ZCCHC7: variants seen among roughly 807,000 people sequenced by gnomAD.
The protein encoded by ZCCHC7 is zinc finger CCHC domain-containing protein 7.
Under a neutral mutation model 52.0 loss-of-function variants are expected in ZCCHC7, and 35 were observed. That is an observed-to-expected ratio of 0.67 (90% confidence interval 0.51 to 0.89). The LOEUF is 0.89. ZCCHC7 is among the 40% of genes least tolerant of loss of function. ZCCHC7 has a pLI of 0.00. For synonymous variants in ZCCHC7, 217 were observed against 221.5 expected (o/e 0.98, Z 0.18); for missense variants, 574 against 649.1 (o/e 0.88, Z 1.26).
Position 37,222,265 on chromosome 9 carries a change from A to G in ZCCHC7, c.611-79923A>G, listed in dbSNP as rs74332126. Among the ~76,000 whole-genome samples, 613 of 151,560 alleles carry G rather than the reference A, an allele frequency of 4.0e-3. 5 individuals carry two copies. The highest frequency in any genetic ancestry group is 0.014 in the African/African-American group (572 of 41,344). On this transcript the variant is annotated intron_variant, in intron 2 of 8. Coordinates refer to ENST00000336755, the MANE Select transcript of ZCCHC7 (RefSeq NM_032226.3). Reference sequence around the variant, plus strand: ...GTCCTGCCAGATATTAAATTTGATGATAAGCTTATAACAGTTAAGATAACA... The same window carrying G: ...GTCCTGCCAGATATTAAATTTGATGGTAAGCTTATAACAGTTAAGATAACA...
chr9:37,322,185 A>T (rs1830080728), intron 5 of ZCCHC7: 1 of 152,116 alleles, frequency 6.6e-6, no homozygotes, highest in African/African-American at 2.4e-5. Flanking sequence ...CTACCAAACC[A>T]GTTAGATGGT....
At chr9:37,153,256 C>T (rs1003581573) in intron 2 of ZCCHC7, among the ~76,000 whole-genome samples, 2 of 151,242 alleles carry the variant, frequency 1.3e-5, no homozygotes, top group African/African-American at 2.4e-5. Flanking sequence ...CTGCAACCTC[C>T]GCCTCCCAGG....
intron 2 of ZCCHC7, among the ~76,000 whole-genome samples, chr9:37,295,260 T>TG (rs1828732808): frequency 6.6e-6 from 1 of 151,960 alleles, no homozygotes; most frequent in Non-Finnish European, 1.5e-5. Flanking sequence ...AACAGGAAAC[T>TG]GGGGAAATTA....
intron 2 of ZCCHC7, among the ~76,000 whole-genome samples, chr9:37,148,785 T>G (rs921287528): frequency 1.3e-5 from 2 of 152,172 alleles, no homozygotes; most frequent in African/African-American, 2.4e-5. Flanking sequence ...CATGTTACTT[T>G]GCACTGTCTA....
intron 2 of ZCCHC7, among the ~76,000 whole-genome samples, chr9:37,280,999 G>A (rs1037714484): frequency 6.6e-6 from 1 of 152,094 alleles, no homozygotes; most frequent in Non-Finnish European, 1.5e-5. Flanking sequence ...GGGATAGGCA[G>A]GTAAATAGAG....
At chr9:37,131,050 T>TA (rs777040544) in intron 2 of ZCCHC7, among the ~76,000 whole-genome samples, 3 of 151,828 alleles carry the variant, frequency 2.0e-5, no homozygotes, top group Admixed American at 6.6e-5. Context: ...ATTATTATAT[T>TA]AAAAAAATGG....
chr9:37,178,558 A>G (rs769239875), intron 2 of ZCCHC7, among the ~76,000 whole-genome samples: 4 of 152,186 alleles, frequency 2.6e-5, no homozygotes, highest in Non-Finnish European at 5.9e-5. Context: ...CTATATTTCA[A>G]AGGTTATTGT....
intron 2 of ZCCHC7, among the ~76,000 whole-genome samples, chr9:37,266,991 A>G (rs1374740832): frequency 1.3e-5 from 2 of 152,232 alleles, no homozygotes; most frequent in East Asian, 3.8e-4. Context: ...TTCTGTATAA[A>G]TGGTCAAAAA....
At chr9:37,133,139 G>T (rs981804746) in intron 2 of ZCCHC7, among the ~76,000 whole-genome samples, 15 of 151,996 alleles carry the variant, frequency 9.9e-5, no homozygotes, top group African/African-American at 3.6e-4. Flanking sequence ...CTCTGTCTCA[G>T]AAAAAAATTA....
intron 2 of ZCCHC7, among the ~76,000 whole-genome samples, chr9:37,188,045 TTC>T (rs1326194119): frequency 6.6e-6 from 1 of 152,212 alleles, no homozygotes; most frequent in Non-Finnish European, 1.5e-5. Flanking sequence ...CAAATGCTTT[TTC>T]TTTCTCCACT....
chr9:37,197,728 G>A (rs1297440483), intron 2 of ZCCHC7, among the ~76,000 whole-genome samples: 4 of 151,950 alleles, frequency 2.6e-5, no homozygotes, highest in Non-Finnish European at 4.4e-5. Context: ...AACAGCAATT[G>A]CACTATTCTG....
chr9:37,134,698 CTTGTTTTTTGTTGG>C (rs946952538), intron 2 of ZCCHC7, among the ~76,000 whole-genome samples: 2 of 151,890 alleles, frequency 1.3e-5, no homozygotes, highest in East Asian at 1.9e-4. Context: ...CACTCTTGCC[CTTGTTTTTTGTTGG>C]TTGTTTTTTG....
intron 5 of ZCCHC7, among the ~76,000 whole-genome samples, chr9:37,319,113 T>A (rs1401365489): frequency 6.6e-6 from 1 of 152,212 alleles, no homozygotes; most frequent in African/African-American, 2.4e-5. Context: ...TAGTTTTAGT[T>A]TGCATTTTCT....
At chr9:37,210,267 C>A (rs6476618) in intron 2 of ZCCHC7, among the ~76,000 whole-genome samples, 1 of 152,176 alleles carries the variant, frequency 6.6e-6, no homozygotes, top group Admixed American at 6.5e-5. Context: ...CCACTTGACA[C>A]GGAGAATGAC....
chr9:37,328,516 CCTA>C (rs1284589410), intron 6 of ZCCHC7, among the ~76,000 whole-genome samples: 1 of 151,822 alleles, frequency 6.6e-6, no homozygotes, highest in African/African-American at 2.4e-5. Flanking sequence ...TCACCATAGC[CCTA>C]CTACTCACTT....
At chr9:37,261,963 G>T (rs1015066457) in intron 2 of ZCCHC7, among the ~76,000 whole-genome samples, 1 of 151,938 alleles carries the variant, frequency 6.6e-6, no homozygotes, top group Non-Finnish European at 1.5e-5. Flanking sequence ...TGTTTTATCC[G>T]CACACTCATT....
intron 2 of ZCCHC7, among the ~76,000 whole-genome samples, chr9:37,263,801 A>T (rs1279677998): frequency 6.6e-6 from 1 of 152,230 alleles, no homozygotes; most frequent in Non-Finnish European, 1.5e-5. Flanking sequence ...CAGCCAATCA[A>T]TTCAGTTTTG....
At chr9:37,305,908 G>T (rs1189039224) in intron 5 of ZCCHC7, among the ~76,000 whole-genome samples, 194 bp downstream of exon 5, 5 of 151,640 alleles carry the variant, frequency 3.3e-5, no homozygotes, top group Non-Finnish European at 7.4e-5. Flanking sequence ...AATAATATAG[G>T]GGTAAGGAGC....
At chr9:37,353,304 C>G (rs953242861) in intron 7 of ZCCHC7, among the ~76,000 whole-genome samples, 108 of 152,310 alleles carry the variant, frequency 7.1e-4, no homozygotes, top group Non-Finnish European at 1.1e-3. Flanking sequence ...TGCCTGTCAT[C>G]TCAACACTTT....
Sources: allele counts gnomAD v4.1 joint callset (sites outside exome capture counted in the v4.1 genomes callset), GRCh38; gene constraint gnomAD v4.1.1; transcripts MANE v1.5; gene names NCBI Gene and HGNC (gene_info 2026-07-23, HGNC 2026-07-21).